Variants in COL8A1 observed in about 807,000 individuals in gnomAD.
The protein encoded by COL8A1 is collagen type VIII alpha 1 chain.
COL8A1 carries 21 observed loss-of-function variants against 42.7 expected under a neutral mutation model. The ratio of observed to expected loss-of-function variants is 0.49; its 90% confidence interval spans 0.35 to 0.71. The LOEUF (loss-of-function observed/expected upper bound fraction) is 0.71, where lower values mean the gene tolerates loss of function less well. Ranked by LOEUF, COL8A1 falls within the 30% of genes least tolerant of loss-of-function variation. COL8A1 has a pLI of 0.01. For missense variants in COL8A1, 788 were observed against 962.4 expected (o/e 0.82, Z 2.40); for synonymous variants, 367 against 369.1 (o/e 0.99, Z 0.06).
At chr3:99,712,335 A>G (rs1245695055) in intron 1 of COL8A1, among the ~76,000 whole-genome samples, 2 of 152,160 alleles carry the variant, frequency 1.3e-5, no homozygotes, top group East Asian at 3.9e-4. Context: ...CATATGGAGT[A>G]CATTTCCCTT....
chr3:99,788,078 T>C (rs1247625802), intron 2 of COL8A1, among the ~76,000 whole-genome samples: 1 of 152,222 alleles, frequency 6.6e-6, no homozygotes, highest in Non-Finnish European at 1.5e-5. Context: ...TTTGATGTTC[T>C]TTTGAGTGAT....
intron 1 of COL8A1, among the ~76,000 whole-genome samples, chr3:99,681,302 T>A (rs1466638493): frequency 1.3e-5 from 2 of 151,818 alleles, no homozygotes; most frequent in East Asian, 1.9e-4. Flanking sequence ...AGAAAAAAAA[T>A]CAAACAACCC....
Position 99,695,857 on chromosome 3 carries a change from GGA to G in COL8A1, c.-128-49038_-128-49037del, listed in dbSNP as rs1425554292. ...TGTTAAAGAATTAAAAAACAGGCTGGGAGTGGTGGCTCACACCTGGAATCCCA... is the reference window on the plus strand; with the variant it reads ...TGTTAAAGAATTAAAAAACAGGCTGGGTGGTGGCTCACACCTGGAATCCCA... On this transcript the variant is annotated intron_variant, in intron 1 of 3. Coordinates refer to ENST00000652472, the MANE Select transcript of COL8A1 (RefSeq NM_020351.4). Among the ~76,000 whole-genome samples, 4 of 152,194 alleles carry G rather than the reference GGA, an allele frequency of 2.6e-5. No homozygotes were observed. The East Asian group carries it at 7.7e-4, about 29-fold the overall frequency.
intron 2 of COL8A1, among the ~76,000 whole-genome samples, chr3:99,783,817 G>T (rs989139872): frequency 6.6e-6 from 1 of 152,148 alleles, no homozygotes; most frequent in Non-Finnish European, 1.5e-5. Context: ...CATGAGAATA[G>T]CACAGGGTAA....
At chr3:99,660,285 G>A (rs1451305712) in intron 1 of COL8A1, among the ~76,000 whole-genome samples, 1 of 152,088 alleles carries the variant, frequency 6.6e-6, no homozygotes, top group East Asian at 1.9e-4. Context: ...GATTGAAGGG[G>A]GAAAGCATGC....
chr3:99,704,072 T>G (rs1220005456), intron 1 of COL8A1, among the ~76,000 whole-genome samples: 1 of 152,238 alleles, frequency 6.6e-6, no homozygotes, highest in Non-Finnish European at 1.5e-5. Context: ...AAATTAGATG[T>G]GTAATGTTAA....
chr3:99,772,754 G>C (rs991882980), intron 2 of COL8A1, among the ~76,000 whole-genome samples: 3 of 152,170 alleles, frequency 2.0e-5, no homozygotes, highest in Non-Finnish European at 4.4e-5. Flanking sequence ...GATGCCAAAG[G>C]ATCCAGGGCT....
rs183281547 is a variant in COL8A1, at chr3:99,738,945, C to T, written c.-128-5952C>T. Reference sequence around the variant, plus strand: ...CTCTTGGTGCGCCGTTTTTTAAGCCCGTCAGAAAAGCGCAGTATTTGGGTG... The same window carrying T: ...CTCTTGGTGCGCCGTTTTTTAAGCCTGTCAGAAAAGCGCAGTATTTGGGTG... On this transcript the variant is annotated intron_variant, in intron 1 of 3. Coordinates refer to ENST00000652472, the MANE Select transcript of COL8A1 (RefSeq NM_020351.4). Among the ~76,000 whole-genome samples the T allele has an allele frequency of 6.2e-3, 948 of 152,248 alleles. 8 individuals are homozygous for T. The highest frequency in any genetic ancestry group is 0.01 in the Middle Eastern group (3 of 294).
At chr3:99,752,529 A>C (rs1004573844) in intron 2 of COL8A1, among the ~76,000 whole-genome samples, 1 of 151,200 alleles carries the variant, frequency 6.6e-6, no homozygotes, top group African/African-American at 2.4e-5. Flanking sequence ...TATCTGCTGA[A>C]CTCCTACTTA....
chr3:99,683,709 C>T (rs1440762671), intron 1 of COL8A1, among the ~76,000 whole-genome samples: 1 of 151,976 alleles, frequency 6.6e-6, no homozygotes, highest in African/African-American at 2.4e-5. Context: ...CTAAATGAAC[C>T]CTCAGGAATC....
chr3:99,661,280 T>C (rs1474651065), intron 1 of COL8A1, among the ~76,000 whole-genome samples: 1 of 152,030 alleles, frequency 6.6e-6, no homozygotes, highest in Admixed American at 6.5e-5. Flanking sequence ...AGAAACACAA[T>C]TCAAAACGAA....
chr3:99,693,791 T>C lies in COL8A1; in HGVS notation c.-128-51106T>C, dbSNP rs564158331. Among the ~76,000 whole-genome samples the C allele has an allele frequency of 2.0e-4, 30 of 152,312 alleles. No individual in the cohort carries two copies. In the South Asian group the frequency reaches 2.1e-3, roughly 11 times the overall value. On this transcript the variant is annotated intron_variant, in intron 1 of 3. Transcript: ENST00000652472. ...TATACAATGTTTATAAAGTCTACAA[T>C]AATGTGCAGTAGTGTCCTGGGTGTT...
At chr3:99,708,773 TA>T (rs1258378728) in intron 1 of COL8A1, among the ~76,000 whole-genome samples, 1 of 152,154 alleles carries the variant, frequency 6.6e-6, no homozygotes, top group African/African-American at 2.4e-5. Flanking sequence ...ATTTTGCTTA[TA>T]AAGGCATTTT....
chr3:99,664,229 C>T (rs1410086048), intron 1 of COL8A1, among the ~76,000 whole-genome samples: 1 of 152,144 alleles, frequency 6.6e-6, no homozygotes, highest in Non-Finnish European at 1.5e-5. Flanking sequence ...TGTTTTTGTT[C>T]CCTGCTTTCT....
intron 1 of COL8A1, among the ~76,000 whole-genome samples, chr3:99,712,398 T>C (rs954741889): frequency 6.6e-6 from 1 of 152,142 alleles, no homozygotes; most frequent in Non-Finnish European, 1.5e-5. Flanking sequence ...CAAGGCATGT[T>C]GGCCAAGCCA....
chr3:99,653,646 T>G (rs1320892655), intron 1 of COL8A1, among the ~76,000 whole-genome samples: 3 of 151,398 alleles, frequency 2.0e-5, no homozygotes, highest in Admixed American at 1.3e-4. Context: ...CTGTTCTGAG[T>G]GTCTCATCTA....
intron 1 of COL8A1, among the ~76,000 whole-genome samples, chr3:99,686,638 G>A (rs1015351646): frequency 1.3e-5 from 2 of 152,192 alleles, no homozygotes; most frequent in African/African-American, 4.8e-5. Flanking sequence ...AGTGCTCAGT[G>A]TGATCATCAC....
chr3:99,673,246 T>C (rs1236879709), intron 1 of COL8A1, among the ~76,000 whole-genome samples: 4 of 152,078 alleles, frequency 2.6e-5, no homozygotes. Context: ...TCAAAATCAC[T>C]ACATGTGATT....
intron 1 of COL8A1, among the ~76,000 whole-genome samples, chr3:99,698,465 A>G (rs1478966786): frequency 3.9e-5 from 6 of 152,226 alleles, no homozygotes; most frequent in Non-Finnish European, 8.8e-5. Flanking sequence ...GAATACAAAT[A>G]TTTATGTAAG....
Sources: gnomAD v4.1 joint callset for allele counts (sites outside exome capture counted in the v4.1 genomes callset) on GRCh38, gnomAD v4.1.1 for gene constraint, MANE v1.5 for transcripts, NCBI Gene and HGNC (gene_info 2026-07-23, HGNC 2026-07-21) for gene names.